The following MCF2 variants were observed in gnomAD, a reference collection of about 807,000 sequenced individuals.
MCF2 encodes the protein MCF.2 cell line derived transforming sequence.
MCF2 carries 44 observed loss-of-function variants against 82.5 expected under a neutral mutation model. That is an observed-to-expected ratio of 0.53 (90% confidence interval 0.42 to 0.69). The LOEUF (loss-of-function observed/expected upper bound fraction) is 0.69. Among genes scored for constraint, MCF2 ranks in the 30% least tolerant of loss-of-function variants. The pLI, the probability that MCF2 is intolerant of heterozygous loss-of-function variation, is 0.00. For missense variants in MCF2, 623 were observed against 663.1 expected, an observed-to-expected ratio of 0.94 and a Z score of 0.66; for synonymous variants, 217 against 224.9, an observed-to-expected ratio of 0.96 and a Z score of 0.32.
chrX:139,629,814 C>A lies in MCF2; in HGVS notation c.319G>T (p.Glu107Ter), dbSNP rs1932863188. The change falls in exon 4 of 25, where the codon GAA (glutamate) becomes TAA (stop). Residue 107 changes from glutamate to a stop codon, truncating the protein, a stop_gained. Transcript: ENST00000370576. LOFTEE classifies it high-confidence loss of function. ...AAGGACTGTAACATCTGAGCCATTT[C>A]TTTCACTGTGAGGGCAAAATTTTCT... 8.3e-7 allele frequency: 1 copy of A among 1,206,717 alleles called. No individual in the cohort carries two copies. Among genetic ancestry groups the A allele is most frequent in the Non-Finnish European group, 1.1e-6 (1 of 893,329 alleles).
At chrX:139,633,564 C>T (rs1360501192) in intron 1 of MCF2, among the ~76,000 whole-genome samples, 1 of 110,853 alleles carries the variant, frequency 9.0e-6, no homozygotes, top group Non-Finnish European at 1.9e-5. Flanking sequence ...TGAAAAGGCC[C>T]TAGTCAAGAG....
chrX:139,680,258 G>A (rs975886635), intron 1 of MCF2, among the ~76,000 whole-genome samples: 3 of 112,028 alleles, frequency 2.7e-5, no homozygotes, highest in African/African-American at 9.7e-5. Flanking sequence ...TGAGTAGCTA[G>A]GACTACAGGC....
intron 1 of MCF2, among the ~76,000 whole-genome samples, chrX:139,675,463 G>A (rs1934837295): frequency 8.9e-6 from 1 of 112,183 alleles, no homozygotes; most frequent in Admixed American, 9.4e-5. Context: ...CTTTAATGTT[G>A]GTGACCTACA....
At chrX:139,632,518 A>T (rs1482618750) in intron 1 of MCF2, 64 bp from the exon 5 acceptor site, 8 of 940,555 alleles carry the variant, frequency 8.5e-6, no homozygotes, top group Non-Finnish European at 1.0e-5. Context: ...AACTGAGCAC[A>T]TATCAGAAAA....
intron 15 of MCF2, among the ~76,000 whole-genome samples, chrX:139,602,807 C>T (rs772212803): frequency 3.6e-5 from 4 of 112,072 alleles, no homozygotes; most frequent in Non-Finnish European, 7.5e-5. Flanking sequence ...AATAGGCTGC[C>T]AAGAAATATA....
chrX:139,703,650 GCTTAAAC>G (rs1935540218), intron 1 of MCF2, among the ~76,000 whole-genome samples: 1 of 111,427 alleles, frequency 9.0e-6, no homozygotes, highest in Non-Finnish European at 1.9e-5. Context: ...CAGGAGAATT[GCTTAAAC>G]CTAGGAGGTG....
chrX:139,620,799 T>C (rs894754067), intron 6 of MCF2, among the ~76,000 whole-genome samples: 1 of 111,794 alleles, frequency 8.9e-6, no homozygotes, highest in Non-Finnish European at 1.9e-5. Flanking sequence ...TCCAAAATAA[T>C]CTGCCAATTC....
At chrX:139,586,575 C>G in intron 22 of MCF2, 88 bp from the exon 27 acceptor site, 1 of 576,817 alleles carries the variant, frequency 1.7e-6, no homozygotes, top group Non-Finnish European at 2.9e-6. Flanking sequence ...CCATTGATAC[C>G]AAGTGTTAAG....
Position 139,612,197 on chromosome X carries a change from C to G in MCF2, c.1364-1859G>C, listed in dbSNP as rs1332363295. Among the ~76,000 whole-genome samples, 5 of 110,413 alleles carry G rather than the reference C, an allele frequency of 4.5e-5. No homozygotes were observed. In the Admixed American group the frequency reaches 4.9e-4, roughly 11 times the overall value. ...GGCATAAGTGAGGAGGAACCAAGGT[C>G]CCAGGCTTGGGCAACTGGGGAAATC... is the stretch of plus-strand genomic sequence containing the variant. On this transcript the variant is annotated intron_variant, in intron 10 of 24. Transcript: ENST00000370576.
chrX:139,697,775 C>T (rs1935411404), intron 1 of MCF2, among the ~76,000 whole-genome samples: 1 of 111,957 alleles, frequency 8.9e-6, no homozygotes, highest in Non-Finnish European at 1.9e-5. Context: ...CAAAACTTTC[C>T]TTTCAGAAGA....
At chrX:139,707,136 CCTTTCTACCT>C (rs1171766832) in intron 1 of MCF2, among the ~76,000 whole-genome samples, 1 of 110,002 alleles carries the variant, frequency 9.1e-6, no homozygotes, top group Non-Finnish European at 1.9e-5. Flanking sequence ...TGCTCCCATC[CCTTTCTACCT>C]CTTTCTCACC....
At chrX:139,599,155 T>C (rs1257413773) in intron 16 of MCF2, among the ~76,000 whole-genome samples, 1 of 108,267 alleles carries the variant, frequency 9.2e-6, no homozygotes, top group African/African-American at 3.3e-5. Flanking sequence ...GGCTCTCCTC[T>C]GAATATGGGT....
At chrX:139,625,518 C>A (rs1249886051) in intron 6 of MCF2, among the ~76,000 whole-genome samples, 2 of 111,454 alleles carry the variant, frequency 1.8e-5, no homozygotes, top group Non-Finnish European at 3.8e-5. Flanking sequence ...GCAAGTAAGC[C>A]ATTCATGGGC....
chrX:139,680,014 A>G lies in MCF2; in HGVS notation c.-45+28092T>C, dbSNP rs1934962109. ...ATTTCTGTAATTTTTGTAAACATCA[A>G]TATTTACACGTATATGTGCATTCAT... On this transcript the variant is annotated intron_variant, in intron 1 of 27. Coordinates refer to the MCF2 transcript ENST00000414978. Among the ~76,000 whole-genome samples, 3 of 112,271 alleles carry G rather than the reference A, an allele frequency of 2.7e-5. No individual in the cohort carries two copies. In the Admixed American group the frequency reaches 2.8e-4, roughly 11 times the overall value.
intron 1 of MCF2, among the ~76,000 whole-genome samples, chrX:139,685,349 C>T (rs891039779): frequency 2.7e-5 from 3 of 110,649 alleles, no homozygotes; most frequent in Middle Eastern, 4.2e-3. Context: ...GACAGCCCGG[C>T]GCCACACCCT....
intron 1 of MCF2, among the ~76,000 whole-genome samples, chrX:139,660,719 C>T (rs1020850200): frequency 8.9e-6 from 1 of 112,389 alleles, no homozygotes; most frequent in African/African-American, 3.2e-5. Context: ...AGTAAAGGTA[C>T]AATATAAAAG....
At chrX:139,655,884 G>A (rs1934180880) in intron 1 of MCF2, among the ~76,000 whole-genome samples, 1 of 111,641 alleles carries the variant, frequency 9.0e-6, no homozygotes, top group Non-Finnish European at 1.9e-5. Context: ...CTCTGGCCAG[G>A]ACTTCCAGTG....
exon 19 of MCF2, chrX:139,596,640 T>C: frequency 8.3e-7 from 1 of 1,210,230 alleles, no homozygotes; most frequent in Non-Finnish European, 1.1e-6. Flanking sequence ...GGCTTTTTCA[T>C]ACAAGAAAAG....
chrX:139,619,868 T>C (rs995073543), intron 6 of MCF2, among the ~76,000 whole-genome samples, 162 bp from the exon 10 acceptor site: 3 of 110,274 alleles, frequency 2.7e-5, no homozygotes, highest in African/African-American at 9.9e-5. Context: ...CTGTTAAAAT[T>C]TAACCTCATA....
Sources: gnomAD v4.1 joint callset for allele counts (sites outside exome capture counted in the v4.1 genomes callset) on GRCh38, gnomAD v4.1.1 for gene constraint, MANE v1.5 for transcripts, NCBI Gene and HGNC (gene_info 2026-07-23, HGNC 2026-07-21) for gene names.